The following RASL11B variants were observed in gnomAD, a reference collection of about 807,000 sequenced individuals.
RASL11B encodes the protein ras-like protein family member 11B.
A neutral mutation model predicts 22.9 loss-of-function variants in RASL11B; 14 were observed. The observed-to-expected ratio is 0.61, with a 90% CI of 0.40 to 0.96. RASL11B has a LOEUF of 0.96. RASL11B is among the 40% of genes least tolerant of loss of function. The pLI is 0.00. For synonymous variants in RASL11B, 143 were observed against 130.2 expected, an observed-to-expected ratio of 1.10 and a Z score of -0.67; for missense variants, 261 against 322.0, an observed-to-expected ratio of 0.81 and a Z score of 1.45.
chr4:52,862,748 C>A (rs1718183728), intron 1 of RASL11B, 99 bp downstream of exon 1: 4 of 1,348,090 alleles, frequency 3.0e-6, no homozygotes, highest in Non-Finnish European at 3.9e-6. Flanking sequence ...TGCAGCCCGA[C>A]CGCTCTCCGT....
chr4:52,863,308 C>T lies in RASL11B; in HGVS notation c.183C>T (p.Asp61=), dbSNP rs748276064. ...TCCTCACCAAACGATTCATCGGTGA[C>T]TATGAAAGAAATGCAGGTGAGACAA... ...VRFLTKRFIG[D]YERNAGNLYT... The change falls in exon 2 of 4, where the codon GAC becomes GAT. Residue 61 remains aspartate (D), a synonymous_variant. Coordinates refer to ENST00000248706, the MANE Select transcript of RASL11B (RefSeq NM_023940.3). 13 of 1,613,612 alleles carry T rather than the reference C, an allele frequency of 8.1e-6. No individual in the cohort carries two copies. The African/African-American group carries it at 1.6e-4, about 20-fold the overall frequency.
intron 3 of RASL11B, 71 bp from the exon 4 acceptor site, chr4:52,865,264 G>A: frequency 7.5e-7 from 1 of 1,329,464 alleles, no homozygotes. Context: ...TTTTGAATTT[G>A]AAATCTACCC....
intron 2 of RASL11B, 58 bp downstream of exon 2, chr4:52,863,382 T>C: frequency 7.1e-7 from 1 of 1,418,058 alleles, no homozygotes; most frequent in South Asian, 1.2e-5. Flanking sequence ...GCGGTTCCCA[T>C]TTTCCAGCGC....
At position 52,863,359 on chromosome 4, in the gene RASL11B, T is replaced by C. The variant is rs761211700; in HGVS notation, c.199+35T>C. On this transcript the variant is annotated intron_variant, in intron 2 of 3. Transcript: ENST00000248706. ...TGCATTTGAGAAAAATTCTGTCCCA[T>C]TGCAGGAGGACTGCGGTTCCCATTT... 1.9e-6 allele frequency: 3 copies of C among 1,566,032 alleles called. No homozygotes were observed. The South Asian group carries it at 3.4e-5, about 18-fold the overall frequency.
rs770663687 is a variant in RASL11B, at chr4:52,865,323, CCT to C, written c.277-7_277-6del. The C allele has an allele frequency of 1.9e-6, 3 of 1,591,732 alleles. No homozygotes were observed. Among genetic ancestry groups the C allele is most frequent in the African/African-American group, 2.7e-5 (2 of 74,558 alleles). On this transcript the variant is annotated splice_polypyrimidine_tract_variant and intron_variant, in intron 3 of 3. Transcript: ENST00000248706. Reference sequence around the variant, plus strand: ...GGCCAGCATTCACCTTGCCATCACTCCTCTCTTTCAGGTCCATGAGAACAGCC... The same window carrying C: ...GGCCAGCATTCACCTTGCCATCACTCCTCTTTCAGGTCCATGAGAACAGCC...
At chr4:52,864,455 A>T in intron 2 of RASL11B, 23 bp from the exon 3 acceptor site, 3 of 1,438,994 alleles carry the variant, frequency 2.1e-6, no homozygotes, top group Non-Finnish European at 2.9e-6. Flanking sequence ...GAAGAACATA[A>T]TCTCTTTTAT....
chr4:52,863,710 T>G (rs1718206265), intron 2 of RASL11B: 2 of 185,120 alleles, frequency 1.1e-5, no homozygotes, highest in Admixed American at 1.1e-4. Flanking sequence ...CTGGCTGCCT[T>G]TCAGAGGTGA....
rs1718177536 is a variant in RASL11B, at chr4:52,862,507, G to A, written c.-1G>A. The A allele has an allele frequency of 6.2e-7, 1 of 1,602,780 alleles. No individual in the cohort carries two copies. Among genetic ancestry groups the A allele is most frequent in the Non-Finnish European group, 8.5e-7 (1 of 1,175,796 alleles). On this transcript the variant is annotated 5_prime_UTR_variant, in exon 1 of 4. Transcript: ENST00000248706. Reference sequence around the variant, plus strand: ...CCGCGCGGTGCGCCGCAGCCGAGGCGATGCGCCTCATTCAGAACATGTGCA... The same window carrying A: ...CCGCGCGGTGCGCCGCAGCCGAGGCAATGCGCCTCATTCAGAACATGTGCA...
rs771120610 is a variant in RASL11B, at chr4:52,862,463, C to G, written c.-45C>G. On this transcript the variant is annotated 5_prime_UTR_variant, in exon 1 of 4. Transcript: ENST00000248706. ...CGCTCCCGCGCAGCGCTAGCATTCT[C>G]CAGTCCCTCAGTCCCTTCCCGCGCG... 1.8e-5 allele frequency: 29 copies of G among 1,582,400 alleles called. No homozygotes were observed. In the East Asian group the frequency reaches 6.2e-4, roughly 34 times the overall value.
chr4:52,865,389 G>A lies in RASL11B; in HGVS notation c.331G>A (p.Ala111Thr). The change falls in exon 4 of 4, where the codon GCA becomes ACA. Residue 111 changes from alanine (A) to threonine (T), a missense_variant. Coordinates refer to ENST00000248706, the MANE Select transcript of RASL11B (RefSeq NM_023940.3). ...SEQLNRCIRWADAVVIVFSIT... is the reference protein window; with the variant it reads ...SEQLNRCIRWTDAVVIVFSIT... ...ACAGCTGAATAGGTGCATTCGCTGGGCAGATGCTGTGGTGATCGTTTTCTC... is the reference window on the plus strand; with the variant it reads ...ACAGCTGAATAGGTGCATTCGCTGGACAGATGCTGTGGTGATCGTTTTCTC... 6.2e-7 allele frequency: 1 copy of A among 1,614,164 alleles called. No individual in the cohort carries two copies. Among genetic ancestry groups the A allele is most frequent in the Non-Finnish European group, 8.5e-7 (1 of 1,180,012 alleles).
intron 2 of RASL11B, 24 bp downstream of exon 2, chr4:52,863,348 AT>A: frequency 6.3e-7 from 1 of 1,595,636 alleles, no homozygotes; most frequent in South Asian, 1.1e-5. Flanking sequence ...TTTGAGAAAA[AT>A]TCTGTCCCAT....
intron 2 of RASL11B, 61 bp from the exon 3 acceptor site, chr4:52,864,417 C>CA: frequency 9.3e-7 from 1 of 1,078,610 alleles, no homozygotes. Context: ...GCTTAAAACT[C>CA]ACAATGTTTT....
chr4:52,864,333 T>G, intron 2 of RASL11B, 145 bp from the exon 3 acceptor site: 1 of 565,402 alleles, frequency 1.8e-6, no homozygotes. Context: ...AAAAAAAATC[T>G]GAAGTAAGCC....
In RASL11B at chr4:52,866,737, C is replaced by T. The variant is rs1235364532; in HGVS notation, c.*932C>T. ...ACAGCAAGTGAACAGGGGCTACCTGCCACATCCCCTCCACAGATGCACTTT... is the reference window on the plus strand; with the variant it reads ...ACAGCAAGTGAACAGGGGCTACCTGTCACATCCCCTCCACAGATGCACTTT... On this transcript the variant is annotated 3_prime_UTR_variant, in exon 4 of 4. Coordinates refer to ENST00000248706, the MANE Select transcript of RASL11B (RefSeq NM_023940.3). 6.6e-6 allele frequency: 1 copy of T among 152,626 alleles called. No homozygotes were observed. Among genetic ancestry groups the T allele is most frequent in the African/African-American group, 2.4e-5 (1 of 41,442 alleles). The allele number at this position is 152,626 out of a possible 1,614,324, so 9.5% of individuals were successfully genotyped here. A position where few individuals can be genotyped will look rare whatever the true frequency, so the allele number is the denominator to read the frequency against.
chr4:52,864,397 T>C (rs1180795425), intron 2 of RASL11B, 81 bp from the exon 3 acceptor site: 2 of 903,844 alleles, frequency 2.2e-6, no homozygotes, highest in Non-Finnish European at 3.6e-6. Context: ...CATTGTGCAT[T>C]TTTTTTCTAG....
chr4:52,863,232 G>T (rs762703740), intron 1 of RASL11B, 36 bp from the exon 2 acceptor site: 2 of 1,598,610 alleles, frequency 1.3e-6, no homozygotes, highest in Non-Finnish European at 1.7e-6. Flanking sequence ...TAACTTCCAA[G>T]GTTAACACTT....
rs139303110 is a variant in RASL11B at position 52,865,676 on chromosome 4, G to A, written c.618G>A (p.Gln206=). The A allele has an allele frequency of 1.7e-5, 28 of 1,614,052 alleles. No homozygotes were observed. The highest frequency in any genetic ancestry group is 2.0e-5 in the Non-Finnish European group (24 of 1,180,040). Residue 206 remains glutamine (Q), a synonymous_variant, in exon 4 of 4, where the codon CAG becomes CAA. Coordinates refer to ENST00000248706, the MANE Select transcript of RASL11B (RefSeq NM_023940.3). ...VLCKEVSHKQ[Q]PSSTPEKRRT... is the part of the protein sequence containing the mutation. ...GTAAAGAGGTCAGTCACAAACAGCA[G>A]CCTAGCAGTACACCCGAGAAGCGAA...
At position 52,865,440 on chromosome 4, in the gene RASL11B, CTCA is replaced by C; in HGVS notation, c.386_388del (p.Ile129del). 1 of 1,614,162 alleles carries C rather than the reference CTCA, an allele frequency of 6.2e-7. No homozygotes were observed. Among genetic ancestry groups the C allele is most frequent in the South Asian group, 1.1e-5 (1 of 91,076 alleles). Reference sequence around the variant, plus strand: ...CATCACTGACTACAAGAGCTATGAACTCATCAGCCAGCTCCACCAGCACGTGCA... The same window carrying C: ...CATCACTGACTACAAGAGCTATGAACTCAGCCAGCTCCACCAGCACGTGCA... On this transcript the variant is annotated inframe_deletion, in exon 4 of 4. Transcript: ENST00000248706.
At position 52,862,343 on chromosome 4, in the gene RASL11B, C is replaced by T. The variant is rs957019559; in HGVS notation, c.-165C>T. 6 of 681,456 alleles carry T rather than the reference C, an allele frequency of 8.8e-6. No individual in the cohort carries two copies. The highest frequency in any genetic ancestry group is 1.9e-5 in the African/African-American group (1 of 51,970). The allele number at this position is 681,456 out of a possible 1,614,324, so 42.2% of individuals were successfully genotyped here. ...GTCTGGGTCTGGAGCCTGAGCCCTG[C>T]GGAACCTCGGCGCTCGGCCCCACCC... is the stretch of plus-strand genomic sequence containing the variant. On this transcript the variant is annotated 5_prime_UTR_variant, in exon 1 of 4. Transcript: ENST00000248706.
Sources: gnomAD v4.1 joint callset for allele counts on GRCh38, gnomAD v4.1.1 for gene constraint, MANE v1.5 for transcripts, NCBI Gene and HGNC (gene_info 2026-07-23, HGNC 2026-07-21) for gene names.